The following SAMD11 variants were observed in gnomAD, a reference collection of about 807,000 sequenced individuals.
The protein encoded by SAMD11 is sterile alpha motif domain-containing protein 11.
Under a neutral mutation model 64.4 loss-of-function variants are expected in SAMD11, and 77 were observed. The ratio of observed to expected loss-of-function variants is 1.20; its 90% CI spans 0.99 to 1.44. The LOEUF is 1.44. Ranked by LOEUF, SAMD11 falls within the 40% of genes most tolerant of loss-of-function variation. The probability of loss-of-function intolerance (pLI) is 0.00; values close to 1 mark genes in which losing one functional copy is unlikely to be tolerated. For synonymous variants in SAMD11, 658 were observed against 421.9 expected (o/e 1.56, Z -6.86); for missense variants, 1,402 against 943.3 (o/e 1.49, Z -6.37).
chr1:942,628 C>T lies in SAMD11; in HGVS notation c.1623C>T (p.Pro541=), dbSNP rs530674665. Residue 541 remains proline (P), a synonymous_variant, in exon 11 of 14, where the codon CCC becomes CCT. Transcript: ENST00000616016. The part of the protein sequence containing the change: ...LESARPQLLA[P]ETALRPNDGA... The stretch of plus-strand genomic sequence containing the variant: ...GCGCGCGCCCACAGCTGCTGGCGCC[C>T]GAGACCGCCCTGCGCCCCAACGACG... 149 of 1,438,682 alleles carry T rather than the reference C, an allele frequency of 1.0e-4. No homozygotes were observed. The East Asian group carries it at 4.4e-3, about 43-fold the overall frequency. The allele number at this position is 1,438,682 out of a possible 1,614,324, so 89.1% of individuals were successfully genotyped here.
chr1:940,456 C>T (rs1641696058), intron 7 of SAMD11: 1 of 152,066 alleles, frequency 6.6e-6, no homozygotes, highest in South Asian at 2.1e-4. Flanking sequence ...CCCACCTCCG[C>T]TTTCGGGTAA....
chr1:944,406 C>T lies in SAMD11; in HGVS notation c.*253C>T. 1.7e-6 allele frequency: 2 copies of T among 1,188,442 alleles called. No individual in the cohort carries two copies. Among genetic ancestry groups the T allele is most frequent in the African/African-American group, 1.6e-5 (1 of 62,826 alleles). 73.6% of individuals were successfully genotyped at this position (1,188,442 alleles called of 1,614,324 possible). A position where few individuals can be genotyped will look rare whatever the true frequency, so the allele number is the denominator to read the frequency against. ...GAAGGGGCCAGGGGCCTGCAGGCCT[C>T]CCCCTGGAACTGGGACTGGTCTCGG... On this transcript the variant is annotated 3_prime_UTR_variant, in exon 14 of 14. Coordinates refer to ENST00000616016, the MANE Select transcript of SAMD11 (RefSeq NM_001385641.1).
chr1:942,795 A>G lies in SAMD11; in HGVS notation c.1790A>G (p.Lys597Arg). ...GACTCTGCCCGGCGAGCCCCCCGGA[A>G]GGGGGGTCCCGGCCCTGCCTCAGCG... ...SRDSARRAPR[K>R]GGPGPASARP... Residue 597 changes from lysine to arginine, a missense_variant, in exon 11 of 14, where the codon AAG (lysine) becomes AGG (arginine). By Grantham distance (26) the Lys-to-Arg change is conservative (BLOSUM62 2). Transcript: ENST00000616016. 1 of 1,542,374 alleles carries G rather than the reference A, an allele frequency of 6.5e-7. No homozygotes were observed.
At chr1:939,243 A>T (rs1641618724) in intron 6 of SAMD11, 32 bp from the exon 7 acceptor site, 2 of 1,568,516 alleles carry the variant, frequency 1.3e-6, no homozygotes, top group Non-Finnish European at 8.6e-7. Flanking sequence ...CAGTGCCTGG[A>T]GAAACCTCTC....
At chr1:941,375 C>CA in intron 8 of SAMD11, 69 bp downstream of exon 8, 2 of 1,397,288 alleles carry the variant, frequency 1.4e-6, no homozygotes, top group Non-Finnish European at 9.5e-7. Context: ...TCTCAGCCAC[C>CA]AGCACGCGCC....
chr1:931,112 A>C, intron 4 of SAMD11, 23 bp downstream of exon 4: 1 of 1,608,424 alleles, frequency 6.2e-7, no homozygotes, highest in Non-Finnish European at 8.5e-7. Flanking sequence ...CTGTGCGTGC[A>C]TAAGAGGGGG....
rs915487000 is a variant in SAMD11, at chr1:944,405, T to A, written c.*252T>A. ...GGAAGGGGCCAGGGGCCTGCAGGCC[T>A]CCCCCTGGAACTGGGACTGGTCTCG... is the stretch of plus-strand genomic sequence containing the variant. On this transcript the variant is annotated 3_prime_UTR_variant, in exon 14 of 14. Transcript: ENST00000616016. 12 of 1,184,914 alleles carry A rather than the reference T, an allele frequency of 1.0e-5. No homozygotes were observed. The African/African-American group carries it at 1.9e-4, about 19-fold the overall frequency. The allele number at this position is 1,184,914 out of a possible 1,614,324, so 73.4% of individuals were successfully genotyped here.
intron 7 of SAMD11, among the ~76,000 whole-genome samples, chr1:940,149 A>G (rs1269960002): frequency 6.6e-6 from 1 of 152,200 alleles, no homozygotes; most frequent in Non-Finnish European, 1.5e-5. Flanking sequence ...TCAGGCACCA[A>G]GAGCCTGAAT....
chr1:941,046 G>A, intron 7 of SAMD11, 98 bp from the exon 8 acceptor site: 8 of 1,154,234 alleles, frequency 6.9e-6, no homozygotes, highest in African/African-American at 1.5e-5. Flanking sequence ...GCCGAGTGGT[G>A]TGGTCAGTTC....
In SAMD11 at chr1:926,345, G is replaced by A. The variant is rs540836310; in HGVS notation, c.609+332G>A. Among the ~76,000 whole-genome samples, 14 of 152,330 alleles carry A rather than the reference G, an allele frequency of 9.2e-5. No homozygotes were observed. In the East Asian group the frequency reaches 2.5e-3, roughly 27 times the overall value. On this transcript the variant is annotated intron_variant, in intron 2 of 13. Coordinates refer to ENST00000616016, the MANE Select transcript of SAMD11 (RefSeq NM_001385641.1). The stretch of plus-strand genomic sequence containing the variant: ...TCCCTGGGAGGAGTAATTCAACGTG[G>A]GCCTGGCACTGTGCCCTGTCACCGC...
At chr1:926,263 A>G (rs1392564296) in intron 2 of SAMD11, among the ~76,000 whole-genome samples, 2 of 152,176 alleles carry the variant, frequency 1.3e-5, no homozygotes, top group Non-Finnish European at 2.9e-5. Flanking sequence ...CTTGTCTTAG[A>G]GCCTCCCCTT....
In SAMD11 at chr1:943,236, C is replaced by CA. The variant is rs771374014; in HGVS notation, c.2054-16dup. The CA allele has an allele frequency of 4.5e-5, 72 of 1,612,646 alleles. No homozygotes were observed. In the East Asian group the frequency reaches 1.6e-3, roughly 36 times the overall value. Reference sequence around the variant, plus strand: ...GGAAAGCCAGCCAGAGCCCTAGTAACACGCCCCACAACTCAGGCGCGGTAG... The same window carrying CA: ...GGAAAGCCAGCCAGAGCCCTAGTAACAACGCCCCACAACTCAGGCGCGGTAG... On this transcript the variant is annotated splice_polypyrimidine_tract_variant and intron_variant, in intron 11 of 13. Coordinates refer to ENST00000616016, the MANE Select transcript of SAMD11 (RefSeq NM_001385641.1).
intron 4 of SAMD11, among the ~76,000 whole-genome samples, chr1:935,230 T>C (rs976092440): frequency 6.6e-6 from 1 of 152,118 alleles, no homozygotes; most frequent in Admixed American, 6.5e-5. Context: ...GCAGCCCTGG[T>C]GCCTGGTGCG....
Position 933,959 on chromosome 1 carries a change from A to ACTGCTCCGTTACAGGTGTGCAGGGGAGG in SAMD11, c.843-1796_843-1795insTGCAGGGGAGGCTGCTCCGTTACAGGTG, listed in dbSNP as rs1641287804. ...GTAGGCTCCTAGGTCACTGCGCAGG[A>ACTGCTCCGTTACAGGTGTGCAGGGGAGG]CTGCTCCGTTACAGGTGGGCAGGGG... On this transcript the variant is annotated intron_variant, in intron 4 of 13. Transcript: ENST00000616016. Among the ~76,000 whole-genome samples, 4 of 149,974 alleles carry ACTGCTCCGTTACAGGTGTGCAGGGGAGG rather than the reference A, an allele frequency of 2.7e-5. 2 individuals carry two copies. The highest frequency in any genetic ancestry group is 1.0e-4 in the African/African-American group (4 of 39,910).
In SAMD11 at chr1:944,154, G is replaced by A; in HGVS notation, c.*1G>A. 1 of 1,544,812 alleles carries A rather than the reference G, an allele frequency of 6.5e-7. No individual in the cohort carries two copies. Among genetic ancestry groups the A allele is most frequent in the South Asian group, 1.2e-5 (1 of 80,048 alleles). ...CGACCCTTCCCAGCCTCTGTGTTGA[G>A]GTTGCCGGGGGTAGGGGTGGGGCCA... On this transcript the variant is annotated 3_prime_UTR_variant, in exon 14 of 14. Coordinates refer to ENST00000616016, the MANE Select transcript of SAMD11 (RefSeq NM_001385641.1).
intron 2 of SAMD11, among the ~76,000 whole-genome samples, chr1:927,947 T>C (rs747173911): frequency 5.3e-5 from 8 of 152,244 alleles, no homozygotes; most frequent in Non-Finnish European, 1.2e-4. Context: ...ACTCTGCGCA[T>C]CACGGGGCTG....
chr1:928,967 T>G (rs575749492), intron 2 of SAMD11, among the ~76,000 whole-genome samples: 127 of 152,274 alleles, frequency 8.3e-4, no homozygotes, highest in African/African-American at 2.7e-3. Context: ...GGAGGAAGTC[T>G]GAGGAGACCC....
intron 5 of SAMD11, among the ~76,000 whole-genome samples, 200 bp downstream of exon 5, chr1:936,096 G>A (rs1247568699): frequency 6.6e-6 from 1 of 152,224 alleles, no homozygotes; most frequent in Non-Finnish European, 1.5e-5. Flanking sequence ...TGGCTCCGCT[G>A]TGGCTGCCGC....
chr1:936,396 C>T lies in SAMD11; in HGVS notation c.967+500C>T, dbSNP rs944692128. On this transcript the variant is annotated intron_variant, in intron 5 of 13. Coordinates refer to ENST00000616016, the MANE Select transcript of SAMD11 (RefSeq NM_001385641.1). The stretch of plus-strand genomic sequence containing the variant: ...CCTGGACGGAAGGGGTCCCCGGTCC[C>T]GCCTCCTAGGGCTCCTGGACGGAGG... 2.0e-5 allele frequency among the ~76,000 whole-genome samples: 3 copies of T among 149,870 alleles called. No homozygotes were observed. In the East Asian group the frequency reaches 5.9e-4, roughly 29 times the overall value.
Sources: gnomAD v4.1 joint callset for allele counts (sites outside exome capture counted in the v4.1 genomes callset) on GRCh38, gnomAD v4.1.1 for gene constraint, MANE v1.5 for transcripts, NCBI Gene and HGNC (gene_info 2026-07-23, HGNC 2026-07-21) for gene names.